AGBL4: variants seen among roughly 807,000 people sequenced by gnomAD.
AGBL4 encodes the protein cytosolic carboxypeptidase 6.
Under a neutral mutation model 66.4 loss-of-function variants are expected in AGBL4, and 58 were observed. That is an observed-to-expected ratio of 0.87 (90% CI 0.71 to 1.09). The LOEUF is 1.09. AGBL4 is among the 50% of genes least tolerant of loss of function. The probability of loss-of-function intolerance (pLI) is 0.00; values close to 1 mark genes in which losing one functional copy is unlikely to be tolerated. For missense variants in AGBL4, 579 were observed against 631.0 expected (o/e 0.92, Z 0.88); for synonymous variants, 234 against 222.9 (o/e 1.05, Z -0.44).
At chr1:49,153,990 G>A (rs1185742919) in intron 4 of AGBL4, among the ~76,000 whole-genome samples, 1 of 152,024 alleles carries the variant, frequency 6.6e-6, no homozygotes, top group Non-Finnish European at 1.5e-5. Context: ...AGATAATACT[G>A]CTAGCGAGAG....
At chr1:49,966,389 C>A (rs1571975575) in intron 1 of AGBL4, among the ~76,000 whole-genome samples, 1 of 152,094 alleles carries the variant, frequency 6.6e-6, no homozygotes, top group Non-Finnish European at 1.5e-5. Context: ...TTAACACTAG[C>A]TTTTCAAAAA....
chr1:49,706,798 T>C (rs953549706), intron 2 of AGBL4, among the ~76,000 whole-genome samples: 1 of 152,188 alleles, frequency 6.6e-6, no homozygotes. Context: ...CCTAATTTTA[T>C]TTACCCAGTA....
rs560862842 is a variant in AGBL4, at chr1:49,188,700, C to T, written c.377+57070G>A. Among the ~76,000 whole-genome samples the T allele has an allele frequency of 3.9e-5, 6 of 152,240 alleles. No individual in the cohort carries two copies. The South Asian group carries it at 1.0e-3, about 26-fold the overall frequency. The stretch of plus-strand genomic sequence containing the variant: ...CATGAAATTTAAAAGCAACTTGGTA[C>T]ATCAGTAAGACAATTGAATTCAGAA... On this transcript the variant is annotated intron_variant, in intron 4 of 13. Transcript: ENST00000371839.
In AGBL4 at chr1:49,768,129, A is replaced by G. The variant is rs112155993; in HGVS notation, c.158-70692T>C. On this transcript the variant is annotated intron_variant, in intron 2 of 13. Transcript: ENST00000371839. ...AGCTGGTACCAATCCTCCTGAAATT[A>G]TTCCAAAAAATTGAGGAGGAGGGTC... 2.4e-3 allele frequency among the ~76,000 whole-genome samples: 358 copies of G among 152,298 alleles called. 1 individual carries two copies. Among genetic ancestry groups the G allele is most frequent in the South Asian group, 4.1e-3 (20 of 4,832 alleles).
intron 5 of AGBL4, among the ~76,000 whole-genome samples, chr1:48,943,177 G>A (rs1448956609): frequency 6.6e-6 from 1 of 152,182 alleles, no homozygotes; most frequent in Non-Finnish European, 1.5e-5. Flanking sequence ...GTTAGGGCTG[G>A]GGAATCCATA....
chr1:49,447,767 G>A (rs1646191742), intron 3 of AGBL4, among the ~76,000 whole-genome samples: 1 of 152,186 alleles, frequency 6.6e-6, no homozygotes, highest in Non-Finnish European at 1.5e-5. Flanking sequence ...GTTTCTGGCT[G>A]ATCTTGGATT....
At chr1:49,833,940 C>G (rs1440347737) in intron 2 of AGBL4, among the ~76,000 whole-genome samples, 5 of 152,024 alleles carry the variant, frequency 3.3e-5, no homozygotes, top group Admixed American at 2.6e-4. Context: ...CATCTGCAAA[C>G]AGGGACAATT....
intron 1 of AGBL4, among the ~76,000 whole-genome samples, chr1:49,913,672 C>A (rs1557573340): frequency 6.6e-6 from 1 of 152,262 alleles, no homozygotes; most frequent in Non-Finnish European, 1.5e-5. Context: ...GCACCTGCAG[C>A]AGGTTGCTGC....
At position 48,920,043 on chromosome 1, in the gene AGBL4, G is replaced by A. The variant is rs146990245; in HGVS notation, c.595-52813C>T. On this transcript the variant is annotated intron_variant, in intron 5 of 13. Transcript: ENST00000371839. ...GAAGCCATTGCCTGTATGATGATAT[G>A]AGCCCAGTGGTAAAAAAGAAGGGGC... Among the ~76,000 whole-genome samples the A allele has an allele frequency of 2.6e-4, 40 of 152,296 alleles. No homozygotes were observed. In the East Asian group the frequency reaches 6.7e-3, roughly 26 times the overall value.
chr1:49,431,982 C>T (rs1362683410), intron 3 of AGBL4, among the ~76,000 whole-genome samples: 1 of 152,078 alleles, frequency 6.6e-6, no homozygotes, highest in African/African-American at 2.4e-5. Context: ...AAAAGCCCAC[C>T]AATAATTTTT....
intron 9 of AGBL4, among the ~76,000 whole-genome samples, chr1:48,593,499 C>T (rs144932384): frequency 0.019 from 2,904 of 152,204 alleles, 30 homozygotes; most frequent in Non-Finnish European, 0.027. Flanking sequence ...TGCCTGTAAT[C>T]CCAGCACTTT....
chr1:49,262,539 A>G (rs1311837591), intron 3 of AGBL4, among the ~76,000 whole-genome samples: 1 of 152,246 alleles, frequency 6.6e-6, no homozygotes, highest in Non-Finnish European at 1.5e-5. Context: ...TATGCAGCCA[A>G]CAGACACATG....
intron 2 of AGBL4, among the ~76,000 whole-genome samples, chr1:49,850,032 C>T (rs1253690424): frequency 4.6e-5 from 7 of 152,090 alleles, no homozygotes; most frequent in African/African-American, 1.7e-4. Context: ...CTTAATTATG[C>T]GGACAGTATT....
intron 6 of AGBL4, among the ~76,000 whole-genome samples, chr1:48,686,193 C>T (rs950753155): frequency 2.0e-5 from 3 of 152,250 alleles, no homozygotes; most frequent in South Asian, 2.1e-4. Context: ...TAGTTATTAC[C>T]GCCTCCAGGA....
intron 3 of AGBL4, among the ~76,000 whole-genome samples, chr1:49,482,599 G>C (rs1426581035): frequency 6.6e-6 from 1 of 150,946 alleles, no homozygotes; most frequent in Admixed American, 6.6e-5. Context: ...TTGATGTTTT[G>C]AATGGTTTAT....
At chr1:49,755,554 T>G (rs1197400360) in intron 2 of AGBL4, among the ~76,000 whole-genome samples, 1 of 152,188 alleles carries the variant, frequency 6.6e-6, no homozygotes, top group African/African-American at 2.4e-5. Flanking sequence ...CTCTTAGTTT[T>G]TCTTAAATAA....
At chr1:49,465,017 T>C (rs1295400213) in intron 3 of AGBL4, among the ~76,000 whole-genome samples, 1 of 151,634 alleles carries the variant, frequency 6.6e-6, no homozygotes, top group Non-Finnish European at 1.5e-5. Context: ...TAACATGCAC[T>C]TCCCTCACAA....
At chr1:49,425,504 G>A (rs1401670506) in intron 3 of AGBL4, among the ~76,000 whole-genome samples, 1 of 152,122 alleles carries the variant, frequency 6.6e-6, no homozygotes. Context: ...TTTAAAAAAT[G>A]TGTAATTTAT....
At chr1:49,103,313 A>C (rs1645236223) in intron 4 of AGBL4, among the ~76,000 whole-genome samples, 1 of 152,196 alleles carries the variant, frequency 6.6e-6, no homozygotes. Flanking sequence ...AGTCCTGCGA[A>C]CATTTCCAGA....
Sources: allele counts gnomAD v4.1 joint callset (sites outside exome capture counted in the v4.1 genomes callset), GRCh38; gene constraint gnomAD v4.1.1; transcripts MANE v1.5; gene names NCBI Gene and HGNC (gene_info 2026-07-23, HGNC 2026-07-21).